The following GRM8 variants were observed in gnomAD, a reference collection of about 807,000 sequenced individuals.
GRM8 encodes glutamate metabotropic receptor 8.
A neutral mutation model predicts 87.2 loss-of-function variants in GRM8; 47 were observed. The observed-to-expected ratio is 0.54, with a 90% CI of 0.43 to 0.69. GRM8 has a LOEUF of 0.69. Ranked by LOEUF, GRM8 falls within the 30% of genes least tolerant of loss-of-function variation. GRM8 has a pLI of 0.00. For missense variants in GRM8, 1,019 were observed against 1,139.2 expected (o/e 0.89, Z 1.52); for synonymous variants, 396 against 404.5 (o/e 0.98, Z 0.25).
At position 126,707,926 on chromosome 7, in the gene GRM8, C is replaced by G. The variant is rs117258128; in HGVS notation, c.1357+61939G>C. Among the ~76,000 whole-genome samples the G allele has an allele frequency of 3.7e-3, 563 of 152,162 alleles. 16 individuals carry two copies. In the East Asian group the frequency reaches 0.072, roughly 20 times the overall value. ...TGTATCAAACTAAAAAGCTTCTACA[C>G]AGCAAAGGAAAGAGTCAACAAAATG... On this transcript the variant is annotated intron_variant, in intron 7 of 10. Transcript: ENST00000339582.
chr7:126,789,739 T>G (rs1192651180), intron 6 of GRM8, among the ~76,000 whole-genome samples: 2 of 152,182 alleles, frequency 1.3e-5, no homozygotes, highest in African/African-American at 4.8e-5. Flanking sequence ...ATTATTTCAT[T>G]CTAGTAAAAT....
intron 7 of GRM8, among the ~76,000 whole-genome samples, chr7:126,709,488 A>AAGG (rs1810885655): frequency 6.6e-6 from 1 of 151,924 alleles, no homozygotes; most frequent in African/African-American, 2.4e-5. Flanking sequence ...GAAGAAGAAG[A>AAGG]AGGAGGAGGG....
At chr7:126,761,193 A>G (rs10954136) in intron 7 of GRM8, among the ~76,000 whole-genome samples, 127,423 of 151,596 alleles carry the variant, frequency 0.84, 54,054 homozygotes, top group Non-Finnish European at 0.89. Flanking sequence ...GCGAGACTCT[A>G]TCTCTTAAAA....
At chr7:126,917,328 A>G (rs914624513) in intron 3 of GRM8, among the ~76,000 whole-genome samples, 1 of 152,002 alleles carries the variant, frequency 6.6e-6, no homozygotes, top group Non-Finnish European at 1.5e-5. Flanking sequence ...ATTTTATTCA[A>G]AATAGAAGAC....
chr7:127,101,579 G>A (rs1825259809), intron 3 of GRM8, among the ~76,000 whole-genome samples: 1 of 152,160 alleles, frequency 6.6e-6, no homozygotes, highest in Non-Finnish European at 1.5e-5. Flanking sequence ...TGGTGTGCTT[G>A]CTCCTGCTTT....
chr7:126,883,949 T>A (rs1240818540), intron 6 of GRM8, among the ~76,000 whole-genome samples: 1 of 152,092 alleles, frequency 6.6e-6, no homozygotes, highest in Non-Finnish European at 1.5e-5. Context: ...TGTGTATTCA[T>A]GAAAGAAATA....
chr7:126,679,076 A>T (rs570615188), intron 7 of GRM8, among the ~76,000 whole-genome samples: 69 of 151,342 alleles, frequency 4.6e-4, no homozygotes, highest in African/African-American at 1.6e-3. Flanking sequence ...TTTTCGCTTG[A>T]CCTCCCTTAT....
At chr7:126,464,127 CT>C (rs1804220089) in intron 9 of GRM8, among the ~76,000 whole-genome samples, 1 of 151,564 alleles carries the variant, frequency 6.6e-6, no homozygotes, top group African/African-American at 2.4e-5. Context: ...TTCTTATCAA[CT>C]TTAGCTCCTC....
chr7:127,210,859 A>G (rs1159938274), intron 2 of GRM8, among the ~76,000 whole-genome samples: 3 of 152,222 alleles, frequency 2.0e-5, no homozygotes, highest in Non-Finnish European at 4.4e-5. Flanking sequence ...CCATATAGGT[A>G]CCAAGGTACT....
At chr7:126,554,426 T>TAAC (rs140107981) in intron 8 of GRM8, among the ~76,000 whole-genome samples, 1 of 149,874 alleles carries the variant, frequency 6.7e-6, no homozygotes, top group Non-Finnish European at 1.5e-5. Flanking sequence ...CAAATAATAA[T>TAAC]AATAATAATA....
At chr7:127,139,949 A>G (rs2133261834) in intron 2 of GRM8, among the ~76,000 whole-genome samples, 1 of 152,244 alleles carries the variant, frequency 6.6e-6, no homozygotes, top group East Asian at 1.9e-4. Context: ...TCACAGGCCC[A>G]TGGATCAATG....
chr7:126,498,649 G>A (rs569760102), intron 9 of GRM8, among the ~76,000 whole-genome samples: 2 of 152,058 alleles, frequency 1.3e-5, no homozygotes, highest in East Asian at 1.9e-4. Flanking sequence ...TAATGAGCTG[G>A]CAGTTGATGG....
intron 7 of GRM8, among the ~76,000 whole-genome samples, chr7:126,697,392 T>C (rs1432114977): frequency 6.6e-6 from 1 of 152,150 alleles, no homozygotes; most frequent in African/African-American, 2.4e-5. Context: ...AGATTTTAGG[T>C]GCTGTTACCA....
intron 9 of GRM8, among the ~76,000 whole-genome samples, chr7:126,528,218 GACA>G (rs962707267): frequency 1.3e-5 from 2 of 151,754 alleles, no homozygotes; most frequent in South Asian, 2.1e-4. Context: ...AAAAAACAAC[GACA>G]ACAACAACAA....
chr7:126,887,887 A>G (rs1308880579), intron 6 of GRM8, among the ~76,000 whole-genome samples: 1 of 152,048 alleles, frequency 6.6e-6, no homozygotes, highest in Non-Finnish European at 1.5e-5. Context: ...GAGAACAAAA[A>G]GCTAACAGTT....
At chr7:126,518,757 T>C (rs943012572) in intron 9 of GRM8, among the ~76,000 whole-genome samples, 3 of 152,074 alleles carry the variant, frequency 2.0e-5, no homozygotes, top group African/African-American at 7.2e-5. Context: ...AATTAGGTCA[T>C]GCCTCTGAGT....
At chr7:126,730,193 C>A (rs553739889) in intron 7 of GRM8, among the ~76,000 whole-genome samples, 2 of 152,136 alleles carry the variant, frequency 1.3e-5, no homozygotes, top group East Asian at 3.9e-4. Context: ...CACACATAAA[C>A]CATAAATTGT....
At chr7:126,788,420 A>AAAAAAAAAAAAAAAAAAAAC in intron 6 of GRM8, among the ~76,000 whole-genome samples, 5 of 81,136 alleles carry the variant, frequency 6.2e-5, no homozygotes, top group African/African-American at 1.8e-4. Flanking sequence ...AAAAAAAAAA[A>AAAAAAAAAAAAAAAAAAAAC]AAACCCTTTC....
intron 7 of GRM8, among the ~76,000 whole-genome samples, chr7:126,722,355 A>T (rs547353753): frequency 2.5e-4 from 38 of 152,220 alleles, no homozygotes; most frequent in African/African-American, 8.9e-4. Context: ...GTGTCATACA[A>T]TCTATCTCCT....
Sources: gnomAD v4.1 joint callset for allele counts (sites outside exome capture counted in the v4.1 genomes callset) on GRCh38, gnomAD v4.1.1 for gene constraint, MANE v1.5 for transcripts, NCBI Gene and HGNC (gene_info 2026-07-23, HGNC 2026-07-21) for gene names.